Variants in USP28 observed in about 807,000 individuals in gnomAD.
The protein encoded by USP28 is ubiquitin specific peptidase 28, also known as ubiquitin carboxyl-terminal hydrolase 28.
USP28 carries 113 observed loss-of-function variants against 145.0 expected under a neutral mutation model. The ratio of observed to expected loss-of-function variants is 0.78; its 90% CI spans 0.67 to 0.91. The LOEUF is 0.91. Ranked by LOEUF, USP28 falls within the 40% of genes least tolerant of loss-of-function variation. The pLI, the probability that USP28 is intolerant of heterozygous loss-of-function variation, is 0.00. For synonymous variants in USP28, 447 were observed against 450.9 expected (o/e 0.99, Z 0.11); for missense variants, 1,201 against 1,289.6 (o/e 0.93, Z 1.05).
chr11:113,805,516 A>T (rs747626586), intron 19 of USP28, among the ~76,000 whole-genome samples: 1 of 152,162 alleles, frequency 6.6e-6, no homozygotes, highest in Non-Finnish European at 1.5e-5. Flanking sequence ...TTGGCCTCCC[A>T]AAGTGCTGGG....
At chr11:113,868,890 T>C (rs1948548955) in intron 1 of USP28, among the ~76,000 whole-genome samples, 1 of 144,674 alleles carries the variant, frequency 6.9e-6, no homozygotes, top group South Asian at 2.1e-4. Context: ...GCCACTGCAC[T>C]ACTCCAGCCT....
At chr11:113,840,435 C>T (rs1280164429) in intron 5 of USP28, among the ~76,000 whole-genome samples, 163 bp downstream of exon 5, 2 of 152,230 alleles carry the variant, frequency 1.3e-5, no homozygotes, top group Non-Finnish European at 2.9e-5. Context: ...TACTGCCCAA[C>T]TTAGACATCA....
intron 1 of USP28, among the ~76,000 whole-genome samples, chr11:113,864,835 A>G (rs939127724): frequency 4.6e-5 from 7 of 152,176 alleles, no homozygotes; most frequent in African/African-American, 1.4e-4. Context: ...GTCAACTGAC[A>G]CATTAACTTA....
exon 25 of USP28, chr11:113,798,676 TGAC>T (rs1186992553): frequency 6.5e-6 from 1 of 152,692 alleles, no homozygotes; most frequent in African/African-American, 2.4e-5. Flanking sequence ...AGGTCTCTTT[TGAC>T]TTTTCAACAT....
chr11:113,801,742 C>T (rs1939064649), intron 23 of USP28, 64 bp from the exon 25 acceptor site: 7 of 1,370,022 alleles, frequency 5.1e-6, no homozygotes, highest in Non-Finnish European at 5.9e-6. Flanking sequence ...TCTTTAATAA[C>T]AGTCTAAACA....
chr11:113,847,155 T>C (rs961274313), intron 3 of USP28, among the ~76,000 whole-genome samples: 3 of 152,110 alleles, frequency 2.0e-5, no homozygotes, highest in Admixed American at 2.0e-4. Flanking sequence ...GTGAGAAACT[T>C]CATAATAGAT....
intron 14 of USP28, among the ~76,000 whole-genome samples, chr11:113,814,245 TG>T (rs1241200521): frequency 2.0e-5 from 3 of 152,124 alleles, no homozygotes; most frequent in African/African-American, 7.2e-5. Context: ...GGCTGTAAAA[TG>T]TATGCCTCAG....
chr11:113,854,590 C>A (rs1188154074), intron 1 of USP28, among the ~76,000 whole-genome samples: 1 of 152,078 alleles, frequency 6.6e-6, no homozygotes, highest in Non-Finnish European at 1.5e-5. Context: ...TTAGTAGTGA[C>A]GGGGTTTCAC....
chr11:113,874,207 T>C (rs1591540614), intron 1 of USP28, among the ~76,000 whole-genome samples: 1 of 146,858 alleles, frequency 6.8e-6, no homozygotes, highest in Admixed American at 6.8e-5. Flanking sequence ...ATCCCAGCAC[T>C]CTGGAAGGCC....
At chr11:113,866,055 C>T (rs772311086) in intron 1 of USP28, among the ~76,000 whole-genome samples, 12 of 152,114 alleles carry the variant, frequency 7.9e-5, no homozygotes, top group Admixed American at 2.0e-4. Context: ...CCGAGCACTC[C>T]GGGAGGCCAA....
chr11:113,852,562 G>A (rs371629031), exon 3 of USP28: 3 of 1,614,054 alleles, frequency 1.9e-6, no homozygotes, highest in African/African-American at 2.7e-5. Context: ...TAGCAACAGT[G>A]TCTTGACTGG....
intron 9 of USP28, among the ~76,000 whole-genome samples, chr11:113,830,245 A>G (rs1347980866): frequency 6.6e-6 from 1 of 152,150 alleles, no homozygotes; most frequent in African/African-American, 2.4e-5. Context: ...AAATCTCAAC[A>G]CTGACTAGAT....
At chr11:113,810,050 A>AG (rs1202318444) in intron 16 of USP28, among the ~76,000 whole-genome samples, 1 of 151,496 alleles carries the variant, frequency 6.6e-6, no homozygotes, top group Non-Finnish European at 1.5e-5. Context: ...AAAAAAAAAA[A>AG]AAAAAAAGAT....
chr11:113,829,317 G>A lies in USP28; in HGVS notation c.939C>T (p.Phe313=), dbSNP rs151047915. The A allele has an allele frequency of 1.9e-4, 307 of 1,614,102 alleles. No homozygotes were observed. The African/African-American group carries it at 3.6e-3, about 19-fold the overall frequency. The change falls in exon 10 of 25, where the codon TTC becomes TTT. Residue 313 remains phenylalanine, a synonymous_variant. Transcript: ENST00000003302. ...CGTTTACCTGAAGAGGATACTGGCC[G>A]AAGGTCTCATTGTTACAAAAGGGTT...
chr11:113,851,519 G>A (rs1448527873), intron 3 of USP28, among the ~76,000 whole-genome samples: 2 of 152,286 alleles, frequency 1.3e-5, no homozygotes, highest in East Asian at 3.9e-4. Flanking sequence ...ATCCCAGCCA[G>A]GAGCAGTGGC....
intron 1 of USP28, chr11:113,874,429 A>G: frequency 2.1e-6 from 2 of 962,798 alleles, no homozygotes; most frequent in Non-Finnish European, 2.7e-6. Context: ...TGTCGAAAAA[A>G]AAAAAAAAAA....
intron 16 of USP28, 99 bp downstream of exon 16, chr11:113,812,177 A>G: frequency 1.4e-6 from 1 of 732,654 alleles, no homozygotes; most frequent in Admixed American, 3.0e-5. Flanking sequence ...ATTATATAAT[A>G]GTAAGTTGTA....
At chr11:113,851,098 C>T (rs1385231441) in intron 3 of USP28, among the ~76,000 whole-genome samples, 1 of 152,116 alleles carries the variant, frequency 6.6e-6, no homozygotes, top group African/African-American at 2.4e-5. Flanking sequence ...AATCCTACTG[C>T]CTTTACCTTA....
rs1158206945 is a variant in USP28, at chr11:113,801,478, T to C, written c.3058+5A>G. 6.4e-7 allele frequency: 1 copy of C among 1,557,752 alleles called. No homozygotes were observed. Among genetic ancestry groups the C allele is most frequent in the Non-Finnish European group, 8.8e-7 (1 of 1,140,408 alleles). ...CCTCAGAATATTATTACCAAGAGCA[T>C]ATACCTGCAATATCTTGCCCAAGGT... On this transcript the variant is annotated splice_donor_5th_base_variant and intron_variant, in intron 24 of 24. Coordinates refer to ENST00000003302, the Ensembl canonical transcript of USP28.
Sources: allele counts gnomAD v4.1 joint callset (sites outside exome capture counted in the v4.1 genomes callset), GRCh38; gene constraint gnomAD v4.1.1; transcripts MANE v1.5; gene names NCBI Gene and HGNC (gene_info 2026-07-23, HGNC 2026-07-21).